Variants in ENO2 observed in about 807,000 individuals in gnomAD.
The protein encoded by ENO2 is gamma-enolase.
In ENO2, 19 loss-of-function variants were observed where a neutral mutation model predicts 48.7. The observed-to-expected ratio is 0.39, with a 90% CI of 0.27 to 0.57. The LOEUF (loss-of-function observed/expected upper bound fraction) is 0.57, where lower values mean the gene tolerates loss of function less well. ENO2 is among the 20% of genes least tolerant of loss of function. ENO2 has a pLI of 0.58. For synonymous variants in ENO2, 198 were observed against 213.4 expected (o/e 0.93, Z 0.63); for missense variants, 416 against 555.0 (o/e 0.75, Z 2.52).
intron 1 of ENO2, chr12:6,915,585 C>T (rs1249972487): frequency 7.5e-6 from 4 of 531,832 alleles, no homozygotes; most frequent in African/African-American, 3.8e-5. Flanking sequence ...GATCTTACCC[C>T]GCCCCCCACT....
chr12:6,915,896 G>T lies in ENO2; in HGVS notation c.64G>T (p.Val22Leu). ...CTCCCGCGGGAACCCCACAGTGGAG[G>T]TGGATCTCTATACTGCCAAAGGTAA... ...LDSRGNPTVE[V>L]DLYTAKGLFR... Residue 22 changes from valine to leucine, a missense_variant, in exon 2 of 12, where the codon GTG (valine) becomes TTG (leucine). By Grantham distance (32) the Val-to-Leu change is conservative. Coordinates refer to ENST00000229277, the MANE Select transcript of ENO2 (RefSeq NM_001975.3). 1 of 1,614,114 alleles carries T rather than the reference G, an allele frequency of 6.2e-7. No individual in the cohort carries two copies.
intron 1 of ENO2, among the ~76,000 whole-genome samples, chr12:6,915,024 G>A (rs1348979008): frequency 1.3e-5 from 2 of 151,862 alleles, no homozygotes; most frequent in Non-Finnish European, 2.9e-5. Flanking sequence ...TTCTCTCACC[G>A]TTCCTCACCT....
At chr12:6,917,457 G>C in intron 5 of ENO2, 124 bp from the exon 6 acceptor site, 1 of 1,341,390 alleles carries the variant, frequency 7.5e-7, no homozygotes, top group Non-Finnish European at 1.0e-6. Flanking sequence ...GTGTTGCTGG[G>C]GCAGGGGTGG....
At chr12:6,917,012 C>T (rs1270354276) in intron 4 of ENO2, 26 bp from the exon 5 acceptor site, 1 of 1,613,774 alleles carries the variant, frequency 6.2e-7, no homozygotes, top group Non-Finnish European at 8.5e-7. Context: ...CAGCCTGGCC[C>T]TGGGTGATGG....
Position 6,921,417 on chromosome 12 carries a change from G to A in ENO2, c.866-164G>A, listed in dbSNP as rs1945339504. 4.4e-5 allele frequency: 29 copies of A among 664,776 alleles called. 2 individuals are homozygous for A. In the South Asian group the frequency reaches 5.6e-4, roughly 13 times the overall value. 41.2% of individuals were successfully genotyped at this position (664,776 alleles called of 1,614,324 possible). The stretch of plus-strand genomic sequence containing the variant: ...AAAAAAAAAAAAAAGTTAAGAATCA[G>A]TTAGGGCAGGCTTACACTGGGGGGA... On this transcript the variant is annotated intron_variant, in intron 8 of 11. Transcript: ENST00000229277.
rs368396774 is a variant in ENO2, at chr12:6,919,565, G to A, written c.668-1G>A. 1.2e-6 allele frequency: 2 copies of A among 1,613,996 alleles called. No individual in the cohort carries two copies. Among genetic ancestry groups the A allele is most frequent in the Non-Finnish European group, 1.7e-6 (2 of 1,180,002 alleles). ...ATAATCTCACTGTATTCTGTCCCCA[G>A]CCTTGGAGCTGGTGAAGGAAGCCAT... On this transcript the variant is annotated splice_acceptor_variant, in intron 7 of 11. Coordinates refer to ENST00000229277, the MANE Select transcript of ENO2 (RefSeq NM_001975.3). LOFTEE classifies it high-confidence loss of function.
intron 5 of ENO2, 26 bp from the exon 6 acceptor site, chr12:6,917,555 C>T: frequency 6.2e-7 from 1 of 1,603,590 alleles, no homozygotes; most frequent in Non-Finnish European, 8.5e-7. Context: ...ACATTGTGCT[C>T]AGCACCTTCC....
intron 8 of ENO2, among the ~76,000 whole-genome samples, chr12:6,920,695 T>G (rs1431076535): frequency 6.7e-6 from 1 of 149,202 alleles, no homozygotes; most frequent in African/African-American, 2.5e-5. Context: ...CCACCACGCC[T>G]GGCTGGTTTG....
Position 6,922,143 on chromosome 12 carries a change from G to T in ENO2, c.1155G>T (p.Val385=). The change falls in exon 10 of 12, where the codon GTG becomes GTT. Residue 385 remains valine (V), a synonymous_variant. Coordinates refer to ENST00000229277, the MANE Select transcript of ENO2 (RefSeq NM_001975.3). This position sits in a 1 kb window ranked among gnomAD's most constrained non-coding sequence, Gnocchi z 5.3. ...ETEDTFIADL[V]VGLCTGQIKT... ...AGGACACATTCATTGCTGACCTGGT[G>T]GTGGGGCTGTGCACAGGCCAGGTGA... The T allele has an allele frequency of 2.5e-6, 4 of 1,614,114 alleles. No individual in the cohort carries two copies. The highest frequency in any genetic ancestry group is 1.1e-5 in the South Asian group (1 of 91,058).
At chr12:6,915,969 G>C in intron 2 of ENO2, 52 bp downstream of exon 2, 1 of 1,603,198 alleles carries the variant, frequency 6.2e-7, no homozygotes, top group Non-Finnish European at 8.5e-7. Context: ...CCACGGCCAG[G>C]CTGGGTTCGG....
chr12:6,920,881 T>G (rs782464481), intron 8 of ENO2, among the ~76,000 whole-genome samples: 6 of 148,208 alleles, frequency 4.0e-5, no homozygotes, highest in Non-Finnish European at 8.9e-5. Flanking sequence ...GCGTGAGATC[T>G]CTGCTCACTG....
At position 6,922,407 on chromosome 12, in the gene ENO2, G is replaced by A; in HGVS notation, c.1235+5G>A. The A allele has an allele frequency of 6.2e-7, 1 of 1,614,174 alleles. No homozygotes were observed. The highest frequency in any genetic ancestry group is 2.2e-5 in the East Asian group (1 of 44,886). On this transcript the variant is annotated splice_donor_5th_base_variant and intron_variant, in intron 11 of 11. Transcript: ENST00000229277. The surrounding 1 kb of genome is among the most constrained non-coding windows in gnomAD (Gnocchi z 5.3). ...TAAATACAACCAGCTCATGAGGTGA[G>A]GGTCCCTGGGGTGGGAGCCCCTGGC...
chr12:6,918,843 A>C (rs1341301143), intron 7 of ENO2, among the ~76,000 whole-genome samples: 2 of 151,570 alleles, frequency 1.3e-5, no homozygotes, highest in Admixed American at 6.6e-5. Context: ...TTAGCCGGGC[A>C]TGGTGGCGTG....
chr12:6,915,733 C>T, intron 1 of ENO2, 88 bp from the exon 2 acceptor site: 2 of 712,874 alleles, frequency 2.8e-6, no homozygotes, highest in Non-Finnish European at 4.5e-6. Context: ...TTTCCCATCC[C>T]TCCCAGCCTC....
intron 7 of ENO2, among the ~76,000 whole-genome samples, chr12:6,918,932 A>G (rs1945316652): frequency 6.7e-6 from 1 of 148,740 alleles, no homozygotes; most frequent in Non-Finnish European, 1.5e-5. Context: ...TGGTGAGCCG[A>G]GATCATGCCA....
chr12:6,921,832 C>T, intron 9 of ENO2, 50 bp downstream of exon 9: 1 of 1,601,926 alleles, frequency 6.2e-7, no homozygotes, highest in South Asian at 1.1e-5. Flanking sequence ...CTATAAGACT[C>T]CTTTTGCAAG....
At position 6,916,392 on chromosome 12, in the gene ENO2, C is replaced by T; in HGVS notation, c.86-25C>T. On this transcript the variant is annotated intron_variant, in intron 2 of 11. Coordinates refer to ENST00000229277, the MANE Select transcript of ENO2 (RefSeq NM_001975.3). This position sits in a 1 kb window ranked among gnomAD's most constrained non-coding sequence, Gnocchi z 4.5. ...CTGGCCCCTGTGTCCTCTTCACTCCCTCTCATTCCATGTTCCTCCTTTAGG... is the reference window on the plus strand; with the variant it reads ...CTGGCCCCTGTGTCCTCTTCACTCCTTCTCATTCCATGTTCCTCCTTTAGG... 1 of 1,607,392 alleles carries T rather than the reference C, an allele frequency of 6.2e-7. No individual in the cohort carries two copies.
At chr12:6,917,325 G>T (rs1435006395) in intron 5 of ENO2, 2 of 706,886 alleles carry the variant, frequency 2.8e-6, no homozygotes, top group African/African-American at 3.6e-5. Context: ...AGAGGAGGGG[G>T]ATGGCCTGAG....
rs782469877 is a variant in ENO2, at chr12:6,922,048, G to T, written c.1068-8G>T. 6.2e-7 allele frequency: 1 copy of T among 1,614,040 alleles called. No homozygotes were observed. The highest frequency in any genetic ancestry group is 8.5e-7 in the Non-Finnish European group (1 of 1,179,956). On this transcript the variant is annotated splice_region_variant and splice_polypyrimidine_tract_variant and intron_variant, in intron 9 of 11. Coordinates refer to ENST00000229277, the MANE Select transcript of ENO2 (RefSeq NM_001975.3). The surrounding 1 kb of genome is among the most constrained non-coding windows in gnomAD (Gnocchi z 5.3). ...GAGCTGGAGAATCAGTGCTGTGTGT[G>T]GATACAGGTGCAAGCTGGCCCAGGA...
Sources: gnomAD v4.1 joint callset for allele counts (sites outside exome capture counted in the v4.1 genomes callset) on GRCh38, gnomAD v4.1.1 for gene constraint, Gnocchi (gnomAD v3.1) non-coding constraint, MANE v1.5 for transcripts, NCBI Gene and HGNC (gene_info 2026-07-23, HGNC 2026-07-21) for gene names.